The following HSD17B12 variants were observed in gnomAD, a reference collection of about 807,000 sequenced individuals.
HSD17B12 encodes the protein very-long-chain 3-oxoacyl-CoA reductase.
A neutral mutation model predicts 39.3 loss-of-function variants in HSD17B12; 32 were observed. The observed-to-expected ratio is 0.81, with a 90% confidence interval of 0.61 to 1.09. The LOEUF is 1.09. Among genes scored for constraint, HSD17B12 ranks in the 50% least tolerant of loss-of-function variants. HSD17B12 has a pLI of 0.00. For missense variants in HSD17B12, 342 were observed against 382.9 expected (o/e 0.89, Z 0.89); for synonymous variants, 150 against 146.7 (o/e 1.02, Z -0.16).
chr11:43,698,465 G>A (rs1949932850), intron 1 of HSD17B12, among the ~76,000 whole-genome samples: 1 of 152,198 alleles, frequency 6.6e-6, no homozygotes, highest in Non-Finnish European at 1.5e-5. Context: ...AATAAGTTGA[G>A]TGTATTCCAT....
At chr11:43,794,698 A>G (rs1950900686) in intron 3 of HSD17B12, among the ~76,000 whole-genome samples, 1 of 152,188 alleles carries the variant, frequency 6.6e-6, no homozygotes, top group African/African-American at 2.4e-5. Flanking sequence ...TGAGGCTGAC[A>G]CCCAAAAGCT....
chr11:43,711,376 G>T (rs1428550476), intron 1 of HSD17B12, among the ~76,000 whole-genome samples: 1 of 151,784 alleles, frequency 6.6e-6, no homozygotes, highest in Non-Finnish European at 1.5e-5. Flanking sequence ...AGATTTTACA[G>T]AACATTTAGG....
chr11:43,841,768 C>A (rs924578917), intron 9 of HSD17B12, among the ~76,000 whole-genome samples: 3 of 152,178 alleles, frequency 2.0e-5, no homozygotes, highest in African/African-American at 7.2e-5. Context: ...TCAGCTACCC[C>A]ACCTCTGTGC....
At chr11:43,784,034 T>A (rs950293096) in intron 3 of HSD17B12, among the ~76,000 whole-genome samples, 1 of 152,110 alleles carries the variant, frequency 6.6e-6, no homozygotes, top group African/African-American at 2.4e-5. Context: ...AGACACCGGA[T>A]TAAAGAAGGA....
intron 4 of HSD17B12, among the ~76,000 whole-genome samples, chr11:43,810,367 TTATATATATATA>T (rs59970877): frequency 6.7e-4 from 40 of 59,664 alleles, no homozygotes; most frequent in African/African-American, 1.6e-3. Context: ...AATTTAGAAA[TTATATATATATA>T]TATATATATA....
the HSD17B12 span, among the ~76,000 whole-genome samples, chr11:43,580,033 C>A: frequency 0.016 from 2,354 of 149,650 alleles, 56 homozygotes; most frequent in African/African-American, 0.054. Context: ...ATAGTCAGGA[C>A]GTCCCTTAGC....
At chr11:43,597,927 G>A in the HSD17B12 span, among the ~76,000 whole-genome samples, 1,200 of 152,174 alleles carry the variant, frequency 7.9e-3, 11 homozygotes, top group East Asian at 0.03. Flanking sequence ...CAGCCACCGC[G>A]CCCAGCCCCC....
At chr11:43,774,729 G>A (rs759002202) in intron 3 of HSD17B12, among the ~76,000 whole-genome samples, 4 of 152,096 alleles carry the variant, frequency 2.6e-5, no homozygotes, top group Admixed American at 6.5e-5. Context: ...TCTCATTTGA[G>A]ACATGATCCA....
At chr11:43,763,841 G>A (rs1162377705) in intron 3 of HSD17B12, among the ~76,000 whole-genome samples, 1 of 151,760 alleles carries the variant, frequency 6.6e-6, no homozygotes, top group Non-Finnish European at 1.5e-5. Flanking sequence ...TATTTCACTT[G>A]CTGTGATATT....
chr11:43,599,851 A>G, the HSD17B12 span, among the ~76,000 whole-genome samples: 1 of 152,220 alleles, frequency 6.6e-6, no homozygotes, highest in Admixed American at 6.5e-5. Flanking sequence ...CTTAAATTGA[A>G]AGAAGAAAAG....
the HSD17B12 span, among the ~76,000 whole-genome samples, chr11:43,661,637 A>T: frequency 2.0e-5 from 3 of 152,072 alleles, no homozygotes; most frequent in Non-Finnish European, 4.4e-5. Flanking sequence ...ACATAGTGAG[A>T]CCCCATTCTC....
At chr11:43,688,558 GA>G (rs1184350511) in intron 1 of HSD17B12, among the ~76,000 whole-genome samples, 3 of 152,170 alleles carry the variant, frequency 2.0e-5, no homozygotes, top group Admixed American at 6.5e-5. Context: ...GCAATTCCAG[GA>G]AAACTATCCA....
At position 43,855,487 on chromosome 11, in the gene HSD17B12, A is replaced by C; in HGVS notation, c.*239A>C. On this transcript the variant is annotated 3_prime_UTR_variant, in exon 11 of 11. Transcript: ENST00000278353. ...AAATGCTCATATCAAATGAATATAG[A>C]ACTAATATTGTCGGGAACACCTAAT... The C allele has an allele frequency of 3.9e-6, 1 of 254,228 alleles. No homozygotes were observed. Among genetic ancestry groups the C allele is most frequent in the Non-Finnish European group, 7.4e-6 (1 of 135,198 alleles). The allele number at this position is 254,228 out of a possible 1,614,324, so 15.7% of individuals were successfully genotyped here.
chr11:43,854,952 G>T, intron 10 of HSD17B12, 88 bp downstream of exon 10: 3 of 1,333,682 alleles, frequency 2.2e-6, no homozygotes, highest in Non-Finnish European at 3.1e-6. Context: ...TAATAGATTA[G>T]CACATATACA....
the HSD17B12 span, chr11:43,579,140 C>G: frequency 6.6e-6 from 1 of 151,134 alleles, no homozygotes; most frequent in Non-Finnish European, 1.5e-5. Context: ...ATGAAAACCG[C>G]TGCCAGGGGG....
At chr11:43,806,839 G>A (rs1271127318) in intron 4 of HSD17B12, among the ~76,000 whole-genome samples, 1 of 152,160 alleles carries the variant, frequency 6.6e-6, no homozygotes, top group Non-Finnish European at 1.5e-5. Flanking sequence ...AATGTTCCTA[G>A]CGAAAGAAAA....
chr11:43,653,670 A>C, the HSD17B12 span, among the ~76,000 whole-genome samples: 2 of 151,934 alleles, frequency 1.3e-5, no homozygotes, highest in African/African-American at 4.8e-5. Context: ...TTGTCCTTGC[A>C]ATAGTTTGCT....
chr11:43,717,915 A>T (rs1450102861), intron 1 of HSD17B12, among the ~76,000 whole-genome samples: 1 of 149,996 alleles, frequency 6.7e-6, no homozygotes, highest in East Asian at 2.0e-4. Context: ...AGCAATTCTC[A>T]TACCTCAGCC....
intron 3 of HSD17B12, among the ~76,000 whole-genome samples, chr11:43,770,653 T>G (rs1372373214): frequency 6.6e-6 from 1 of 152,188 alleles, no homozygotes; most frequent in African/African-American, 2.4e-5. Context: ...GAGGATTGCT[T>G]AAGCCTGGGA....
Sources: gnomAD v4.1 joint callset for allele counts (sites outside exome capture counted in the v4.1 genomes callset) on GRCh38, gnomAD v4.1.1 for gene constraint, MANE v1.5 for transcripts, NCBI Gene and HGNC (gene_info 2026-07-23, HGNC 2026-07-21) for gene names.